The following VPS13B variants were observed in gnomAD, a reference collection of about 807,000 sequenced individuals.
VPS13B encodes the protein vacuolar protein sorting 13 homolog B, also known as intermembrane lipid transfer protein VPS13B.
Under a neutral mutation model 426.4 loss-of-function variants are expected in VPS13B, and 285 were observed. The observed-to-expected ratio is 0.67, with a 90% CI of 0.61 to 0.74. The LOEUF (loss-of-function observed/expected upper bound fraction) is 0.74. VPS13B is among the 30% of genes least tolerant of loss of function. VPS13B has a pLI of 0.00. For missense variants in VPS13B, 4,537 were observed against 4,782.6 expected, an observed-to-expected ratio of 0.95 and a Z score of 1.51; for synonymous variants, 1,676 against 1,676.4, an observed-to-expected ratio of 1.00 and a Z score of 0.01.
chr8:99,141,396 C>G (rs1810413653), intron 12 of VPS13B, among the ~76,000 whole-genome samples: 1 of 152,108 alleles, frequency 6.6e-6, no homozygotes, highest in Non-Finnish European at 1.5e-5. Context: ...TTTAGGGAGT[C>G]TATTATCCCC....
chr8:99,285,871 A>G (rs934488087), intron 19 of VPS13B, among the ~76,000 whole-genome samples: 3 of 152,152 alleles, frequency 2.0e-5, no homozygotes, highest in African/African-American at 7.2e-5. Context: ...TATTCAGTTC[A>G]GTATACATGG....
intron 25 of VPS13B, among the ~76,000 whole-genome samples, chr8:99,500,058 G>GA (rs1821145221): frequency 6.6e-6 from 1 of 152,140 alleles, no homozygotes; most frequent in Non-Finnish European, 1.5e-5. Context: ...CGGGACTTTG[G>GA]TTTGTTTTGT....
At position 99,149,051 on chromosome 8, in the gene VPS13B, A is replaced by T. The variant is rs971786381; in HGVS notation, c.2013+1041A>T. Among the ~76,000 whole-genome samples the T allele has an allele frequency of 3.3e-5, 5 of 152,230 alleles. No homozygotes were observed. In the East Asian group the frequency reaches 9.6e-4, roughly 29 times the overall value. ...TTTTTAGAGGATCACAGGATATTCT[A>T]CCAAGGTCTGCTGTGGTTGAGTATT... On this transcript the variant is annotated intron_variant, in intron 14 of 61. Coordinates refer to ENST00000357162, the MANE Select transcript of VPS13B (RefSeq NM_152564.5).
At chr8:99,348,244 A>C (rs1022993153) in intron 19 of VPS13B, 1 of 152,276 alleles carries the variant, frequency 6.6e-6, no homozygotes, top group Non-Finnish European at 1.5e-5. Flanking sequence ...GACTGATGCC[A>C]CATGATATTT....
chr8:99,507,884 C>T, intron 28 of VPS13B: 1 of 1,614,054 alleles, frequency 6.2e-7, no homozygotes, highest in Non-Finnish European at 8.5e-7. Flanking sequence ...AGGACCCTTT[C>T]AGTAATTGCT....
chr8:99,710,609 C>T (rs1446146612), intron 36 of VPS13B, among the ~76,000 whole-genome samples: 2 of 148,010 alleles, frequency 1.4e-5, no homozygotes, highest in Admixed American at 6.8e-5. Flanking sequence ...GGATTACTTT[C>T]GTATTTTGTG....
intron 33 of VPS13B, among the ~76,000 whole-genome samples, chr8:99,588,259 C>G (rs542978892): frequency 1.3e-5 from 2 of 151,834 alleles, no homozygotes; most frequent in South Asian, 2.1e-4. Context: ...CACGATGCCT[C>G]CAGCTTTGTT....
At chr8:99,253,239 G>C (rs1314120007) in intron 17 of VPS13B, among the ~76,000 whole-genome samples, 1 of 152,002 alleles carries the variant, frequency 6.6e-6, no homozygotes, top group African/African-American at 2.4e-5. Context: ...CATTCATTAA[G>C]AGTTAGATAT....
intron 19 of VPS13B, among the ~76,000 whole-genome samples, chr8:99,333,549 T>A (rs1251155839): frequency 1.3e-5 from 2 of 151,836 alleles, no homozygotes; most frequent in Admixed American, 1.3e-4. Context: ...TTATATGTAG[T>A]TTTATCACAT....
chr8:99,834,033 A>C (rs1204281712), intron 52 of VPS13B, among the ~76,000 whole-genome samples: 2 of 152,226 alleles, frequency 1.3e-5, no homozygotes, highest in Admixed American at 1.3e-4. Context: ...TGGTGTGATT[A>C]ATGTGCTTTT....
At chr8:99,070,193 C>T (rs906044745) in intron 3 of VPS13B, among the ~76,000 whole-genome samples, 2 of 152,164 alleles carry the variant, frequency 1.3e-5, no homozygotes, top group Admixed American at 6.5e-5. Context: ...GGATTACAGA[C>T]GTCAGCCAAA....
At chr8:99,452,726 G>A (rs1486137079) in intron 23 of VPS13B, among the ~76,000 whole-genome samples, 1 of 152,156 alleles carries the variant, frequency 6.6e-6, no homozygotes, top group East Asian at 1.9e-4. Flanking sequence ...GTAGATTTGA[G>A]GCTCTGTCTA....
chr8:99,461,142 A>G (rs576264503), intron 23 of VPS13B, among the ~76,000 whole-genome samples: 36 of 150,540 alleles, frequency 2.4e-4, no homozygotes, highest in Non-Finnish European at 4.6e-4. Context: ...TTCTCAAGCT[A>G]CTTCATGTAT....
chr8:99,467,139 C>T (rs919856505), intron 23 of VPS13B, among the ~76,000 whole-genome samples: 1 of 152,120 alleles, frequency 6.6e-6, no homozygotes, highest in Non-Finnish European at 1.5e-5. Flanking sequence ...ATACAACCAA[C>T]TAGGGTAAGG....
rs113413237 is a variant in VPS13B at position 99,147,790 on chromosome 8, G to A, written c.1844-51G>A. On this transcript the variant is annotated intron_variant, in intron 13 of 61. Transcript: ENST00000357162. ...ACTAATTCATTTTTCAGTTGTTTAA[G>A]AATATTATTTAAAAATATTCTTTAT... The A allele has an allele frequency of 1.7e-3, 2,088 of 1,225,562 alleles. 31 individuals are homozygous for A. In the African/African-American group the frequency reaches 0.029, roughly 17 times the overall value. The allele number at this position is 1,225,562 out of a possible 1,614,324, so 75.9% of individuals were successfully genotyped here.
At chr8:99,527,769 G>A (rs1456517506) in intron 30 of VPS13B, 1 of 152,038 alleles carries the variant, frequency 6.6e-6, no homozygotes, top group Non-Finnish European at 1.5e-5. Flanking sequence ...ATAAACAAAC[G>A]AGATGAAAAT....
intron 21 of VPS13B, among the ~76,000 whole-genome samples, chr8:99,427,959 A>G (rs1444038487): frequency 6.6e-6 from 1 of 152,168 alleles, no homozygotes; most frequent in East Asian, 1.9e-4. Context: ...ATGGAACAGA[A>G]CAGAGCCCTC....
intron 55 of VPS13B, among the ~76,000 whole-genome samples, chr8:99,850,698 G>A (rs1230459120): frequency 6.6e-6 from 1 of 152,112 alleles, no homozygotes; most frequent in African/African-American, 2.4e-5. Flanking sequence ...GGCCGAGGTG[G>A]GTGGATCACC....
At chr8:99,044,853 TAC>T (rs60056711) in intron 3 of VPS13B, among the ~76,000 whole-genome samples, 18,752 of 139,514 alleles carry the variant, frequency 0.13, 1,144 homozygotes, top group African/African-American at 0.17. Flanking sequence ...TTCCATTTTA[TAC>T]ACACACACAC....
Sources: allele counts gnomAD v4.1 joint callset (sites outside exome capture counted in the v4.1 genomes callset), GRCh38; gene constraint gnomAD v4.1.1; transcripts MANE v1.5; gene names NCBI Gene and HGNC (gene_info 2026-07-23, HGNC 2026-07-21).